Variants in DLGAP1 observed in about 807,000 individuals in gnomAD.
The protein encoded by DLGAP1 is disks large-associated protein 1.
In DLGAP1, 11 loss-of-function variants were observed where a neutral mutation model predicts 90.8. That is an observed-to-expected ratio of 0.12 (90% CI 0.08 to 0.20). DLGAP1 has a LOEUF of 0.20. Among genes scored for constraint, DLGAP1 ranks in the 10% least tolerant of loss-of-function variants. The pLI, the probability that DLGAP1 is intolerant of heterozygous loss-of-function variation, is 1.00. For missense variants in DLGAP1, 1,050 were observed against 1,333.8 expected, an observed-to-expected ratio of 0.79 and a Z score of 3.31; for synonymous variants, 558 against 540.7, an observed-to-expected ratio of 1.03 and a Z score of -0.44.
At chr18:4,026,288 A>T (rs959402883) in intron 2 of DLGAP1, among the ~76,000 whole-genome samples, 3 of 152,222 alleles carry the variant, frequency 2.0e-5, no homozygotes, top group African/African-American at 7.2e-5. Flanking sequence ...AGGGTCATAC[A>T]GATGTCTAGG....
At chr18:3,772,337 TCTCTCTCTC>T (rs2064647889) in intron 5 of DLGAP1, among the ~76,000 whole-genome samples, 2 of 42,628 alleles carry the variant, frequency 4.7e-5, no homozygotes, top group African/African-American at 1.1e-4. Context: ...TCTCCTTCTC[TCTCTCTCTC>T]TCTTTCTTTC....
intron 3 of DLGAP1, among the ~76,000 whole-genome samples, chr18:3,915,566 C>T (rs1456701124): frequency 6.6e-6 from 1 of 152,174 alleles, no homozygotes; most frequent in Admixed American, 6.5e-5. Flanking sequence ...TATGATTGAT[C>T]TGTTCCTGGG....
At chr18:4,348,627 A>C (rs1013026405) in intron 1 of DLGAP1, among the ~76,000 whole-genome samples, 3 of 152,060 alleles carry the variant, frequency 2.0e-5, no homozygotes, top group African/African-American at 7.2e-5. Context: ...AGAAAGGTTG[A>C]TTTTGGGAAT....
intron 2 of DLGAP1, among the ~76,000 whole-genome samples, chr18:4,029,374 G>A (rs1263593325): frequency 6.6e-6 from 1 of 152,140 alleles, no homozygotes; most frequent in Admixed American, 6.5e-5. Context: ...ATACCCAGTA[G>A]TGGGAGTGCT....
At chr18:4,124,797 C>T (rs185207630) in intron 2 of DLGAP1, among the ~76,000 whole-genome samples, 97 of 152,260 alleles carry the variant, frequency 6.4e-4, no homozygotes, top group African/African-American at 2.2e-3. Context: ...GAATCACATT[C>T]TCTTGATATG....
chr18:4,283,427 T>C (rs530423721), intron 1 of DLGAP1, among the ~76,000 whole-genome samples: 1 of 152,290 alleles, frequency 6.6e-6, no homozygotes, highest in African/African-American at 2.4e-5. Flanking sequence ...AACTAGTTAG[T>C]ACAAACACAA....
chr18:4,272,549 C>T (rs1198458747), intron 1 of DLGAP1, among the ~76,000 whole-genome samples: 2 of 152,158 alleles, frequency 1.3e-5, no homozygotes, highest in Non-Finnish European at 2.9e-5. Flanking sequence ...GACTTAGTCC[C>T]TTAGCCCCCA....
intron 5 of DLGAP1, among the ~76,000 whole-genome samples, chr18:3,758,449 A>G (rs1318632221): frequency 6.6e-6 from 1 of 152,160 alleles, no homozygotes; most frequent in African/African-American, 2.4e-5. Context: ...ATTGATCATT[A>G]TTGGCCAAAA....
chr18:3,925,055 C>T (rs1012617636), intron 3 of DLGAP1, among the ~76,000 whole-genome samples: 53 of 152,124 alleles, frequency 3.5e-4, no homozygotes, highest in African/African-American at 1.0e-3. Context: ...TGAGTTCAAG[C>T]GATTCTCCTG....
Position 4,012,838 on chromosome 18 carries a change from A to T in DLGAP1, c.-158-7637T>A, listed in dbSNP as rs561400438. On this transcript the variant is annotated intron_variant, in intron 2 of 12. Transcript: ENST00000315677. ...CTCAGCCACCTGAGTAGCTGGGACC[A>T]CAGGCATGCGCCACCATGGCCAGCT... Among the ~76,000 whole-genome samples, 12 of 151,686 alleles carry T rather than the reference A, an allele frequency of 7.9e-5. No individual in the cohort carries two copies. In the South Asian group the frequency reaches 2.1e-3, roughly 26 times the overall value.
intron 1 of DLGAP1, among the ~76,000 whole-genome samples, chr18:4,203,448 T>C (rs2077651130): frequency 6.6e-6 from 1 of 152,216 alleles, no homozygotes; most frequent in Non-Finnish European, 1.5e-5. Flanking sequence ...ATTTTTCAAA[T>C]CTTTAATATA....
At chr18:4,351,613 T>A (rs2081404223) in intron 1 of DLGAP1, among the ~76,000 whole-genome samples, 1 of 152,152 alleles carries the variant, frequency 6.6e-6, no homozygotes, top group African/African-American at 2.4e-5. Context: ...AAAATCAGTA[T>A]CTAAAACCAT....
intron 8 of DLGAP1, among the ~76,000 whole-genome samples, chr18:3,569,090 T>C (rs1370008583): frequency 6.6e-6 from 1 of 151,300 alleles, no homozygotes; most frequent in East Asian, 2.0e-4. Context: ...CAACCTCCGC[T>C]TCCCGGGTTC....
At chr18:3,596,776 TC>T (rs2056598591) in intron 7 of DLGAP1, 4 of 506,972 alleles carry the variant, frequency 7.9e-6, no homozygotes, top group Non-Finnish European at 1.6e-5. Context: ...GGGGAGGTGA[TC>T]GGGGCAGGAG....
chr18:4,201,134 A>G (rs2077598791), intron 1 of DLGAP1, among the ~76,000 whole-genome samples: 1 of 151,898 alleles, frequency 6.6e-6, no homozygotes, highest in South Asian at 2.1e-4. Context: ...TGTTGTTCAG[A>G]AGCTTTTTAG....
At chr18:4,284,469 G>C (rs1568490283) in intron 1 of DLGAP1, among the ~76,000 whole-genome samples, 1 of 152,194 alleles carries the variant, frequency 6.6e-6, no homozygotes, top group Non-Finnish European at 1.5e-5. Flanking sequence ...CTAAAATGGA[G>C]TGTCAAAGAG....
chr18:3,601,007 TAG>T lies in DLGAP1; in HGVS notation c.1592-18761_1592-18760del, dbSNP rs1474630198. ...ATATAGATATATAGATATATAGATATAGATAGATATATAGATATATAGATATA... is the reference window on the plus strand; with the variant it reads ...ATATAGATATATAGATATATAGATATATAGATATATAGATATATAGATATA... On this transcript the variant is annotated intron_variant, in intron 7 of 12. Coordinates refer to ENST00000315677, the MANE Select transcript of DLGAP1 (RefSeq NM_004746.4). Among the ~76,000 whole-genome samples, 123 of 113,872 alleles carry T rather than the reference TAG, an allele frequency of 1.1e-3. 2 individuals are homozygous for T. The highest frequency in any genetic ancestry group is 5.1e-3 in the African/African-American group (101 of 19,934). 74.7% of individuals were successfully genotyped at this position (113,872 alleles called of 152,430 possible).
intron 2 of DLGAP1, among the ~76,000 whole-genome samples, chr18:4,007,384 A>G (rs113081730): frequency 0.09 from 13,652 of 152,188 alleles, 1,764 homozygotes; most frequent in African/African-American, 0.28. Flanking sequence ...GGCCGGGTGC[A>G]GTGGCTCACG....
Position 3,707,490 on chromosome 18 carries a change from C to T in DLGAP1, c.1591+21645G>A, listed in dbSNP as rs375997986. 1.4e-4 allele frequency among the ~76,000 whole-genome samples: 22 copies of T among 151,998 alleles called. 1 individual carries two copies. The highest frequency in any genetic ancestry group is 5.3e-4 in the African/African-American group (22 of 41,442). The stretch of plus-strand genomic sequence containing the variant: ...TGGTGCGTGCCTGTAATCCCAGCTG[C>T]TCAGGAGGCTGAGACAGGAGAATTG... On this transcript the variant is annotated intron_variant, in intron 7 of 12. Coordinates refer to ENST00000315677, the MANE Select transcript of DLGAP1 (RefSeq NM_004746.4).
Sources: gnomAD v4.1 joint callset for allele counts (sites outside exome capture counted in the v4.1 genomes callset) on GRCh38, gnomAD v4.1.1 for gene constraint, MANE v1.5 for transcripts, NCBI Gene and HGNC (gene_info 2026-07-23, HGNC 2026-07-21) for gene names.